Variants in NRXN3 observed in about 807,000 individuals in gnomAD.
NRXN3 encodes neurexin 3.
NRXN3 carries 32 observed loss-of-function variants against 137.6 expected under a neutral mutation model. The ratio of observed to expected loss-of-function variants is 0.23; its 90% confidence interval spans 0.18 to 0.31. The LOEUF is 0.31. NRXN3 is among the 10% of genes least tolerant of loss of function. The pLI is 1.00. For synonymous variants in NRXN3, 798 were observed against 784.5 expected (o/e 1.02, Z -0.29); for missense variants, 1,574 against 2,062.5 (o/e 0.76, Z 4.59).
intron 15 of NRXN3, among the ~76,000 whole-genome samples, chr14:79,032,372 TCTC>T (rs2099609622): frequency 6.6e-6 from 1 of 152,138 alleles, no homozygotes; most frequent in South Asian, 2.1e-4. Context: ...GGCAAGATCT[TCTC>T]CTTTACAAAG....
At chr14:78,818,311 T>C (rs910922374) in intron 10 of NRXN3, among the ~76,000 whole-genome samples, 1 of 152,110 alleles carries the variant, frequency 6.6e-6, no homozygotes, top group East Asian at 1.9e-4. Flanking sequence ...ATATAGTATA[T>C]GCTTGGTAAA....
Position 78,251,640 on chromosome 14 carries a change from T to C in NRXN3, c.709+7838T>C, listed in dbSNP as rs76677848. Reference sequence around the variant, plus strand: ...CCACCATAGGTGGACGAATCAGAGCTAGGGAGTACAGGAGGGTGCAGGGAA... The same window carrying C: ...CCACCATAGGTGGACGAATCAGAGCCAGGGAGTACAGGAGGGTGCAGGGAA... On this transcript the variant is annotated intron_variant, in intron 2 of 20. Transcript: ENST00000335750. 1.1e-3 allele frequency among the ~76,000 whole-genome samples: 175 copies of C among 152,234 alleles called. 3 individuals are homozygous for C. In the East Asian group the frequency reaches 0.028, roughly 24 times the overall value.
chr14:79,201,927 C>T (rs758458180), intron 15 of NRXN3, among the ~76,000 whole-genome samples: 6 of 152,170 alleles, frequency 3.9e-5, no homozygotes, highest in Non-Finnish European at 7.4e-5. Context: ...CGAGGAAGCA[C>T]GTGAGAATTG....
At chr14:78,901,977 C>T (rs567753860) in intron 10 of NRXN3, among the ~76,000 whole-genome samples, 4 of 152,088 alleles carry the variant, frequency 2.6e-5, no homozygotes, top group East Asian at 1.9e-4. Context: ...TGAAGGTTGT[C>T]GGGTATGCAA....
At chr14:78,434,008 G>C (rs1411244563) in intron 4 of NRXN3, among the ~76,000 whole-genome samples, 1 of 152,130 alleles carries the variant, frequency 6.6e-6, no homozygotes, top group Non-Finnish European at 1.5e-5. Context: ...AAACATCATA[G>C]CTTAGCCCAG....
chr14:79,697,655 T>G lies in NRXN3; in HGVS notation c.3732T>G (p.Thr1244=), dbSNP rs1302117484. ...EKGRQLTIFN[T]QAQIAIGGKD... ...GCCGGCAGTTAACCATCTTCAACAC[T>G]CAGGCGCAAATAGCCATTGGTGGAA... Residue 1244 remains threonine (T), a synonymous_variant, in exon 19 of 21, where the codon ACT becomes ACG. Transcript: ENST00000335750. The G allele has an allele frequency of 3.1e-6, 5 of 1,612,496 alleles. No homozygotes were observed. Among genetic ancestry groups the G allele is most frequent in the Non-Finnish European group, 4.2e-6 (5 of 1,178,998 alleles).
chr14:78,981,060 T>C lies in NRXN3; in HGVS notation c.3143-6962T>C, dbSNP rs552533107. Among the ~76,000 whole-genome samples the C allele has an allele frequency of 4.4e-4, 67 of 152,332 alleles. 1 individual carries two copies. In the South Asian group the frequency reaches 0.012, roughly 27 times the overall value. On this transcript the variant is annotated intron_variant, in intron 14 of 20. Transcript: ENST00000335750. ...TAAACAAATTTGTGCTGTCTTAGAATGTCTGGAATTTTATGTTGGTTTGGA... is the reference window on the plus strand; with the variant it reads ...TAAACAAATTTGTGCTGTCTTAGAACGTCTGGAATTTTATGTTGGTTTGGA...
chr14:78,518,812 C>G (rs954182469), intron 4 of NRXN3, among the ~76,000 whole-genome samples: 2 of 152,034 alleles, frequency 1.3e-5, no homozygotes, highest in Admixed American at 6.6e-5. Context: ...TTTCCTACAC[C>G]AAAGCATACC....
chr14:79,086,565 T>C (rs2048150147), intron 15 of NRXN3, among the ~76,000 whole-genome samples: 1 of 152,190 alleles, frequency 6.6e-6, no homozygotes, highest in Admixed American at 6.5e-5. Context: ...TATTACTCAG[T>C]TGACCACTTT....
intron 19 of NRXN3, among the ~76,000 whole-genome samples, chr14:79,746,687 A>G (rs2098980694): frequency 6.6e-6 from 1 of 152,178 alleles, no homozygotes; most frequent in Admixed American, 6.6e-5. Context: ...TGGAGGGAAC[A>G]AAAGACAGCT....
At chr14:79,280,475 A>C in intron 15 of NRXN3, 28 of 1,614,032 alleles carry the variant, frequency 1.7e-5, no homozygotes, top group Non-Finnish European at 2.3e-5. Flanking sequence ...TTTCCATGGC[A>C]GCAAGCATCA....
At chr14:79,651,198 G>C (rs780941536) in intron 16 of NRXN3, among the ~76,000 whole-genome samples, 23 of 152,136 alleles carry the variant, frequency 1.5e-4, no homozygotes, top group Non-Finnish European at 2.5e-4. Context: ...CACAGAGAAA[G>C]TTCCTCTCAG....
At chr14:79,257,427 G>GTGGTGA (rs2076804776) in intron 15 of NRXN3, among the ~76,000 whole-genome samples, 1 of 51,920 alleles carries the variant, frequency 1.9e-5, no homozygotes, top group Non-Finnish European at 3.9e-5. Flanking sequence ...GGTGGTGATG[G>GTGGTGA]TGGTGGTGGT....
At chr14:78,184,476 C>T (rs1284015431) in intron 1 of NRXN3, among the ~76,000 whole-genome samples, 3 of 152,146 alleles carry the variant, frequency 2.0e-5, no homozygotes, top group Admixed American at 6.5e-5. Context: ...CTCTCTTTGG[C>T]GTCTATGGCA....
intron 6 of NRXN3, among the ~76,000 whole-genome samples, chr14:78,659,941 G>A (rs1033716679): frequency 1.3e-5 from 2 of 152,000 alleles, no homozygotes; most frequent in Non-Finnish European, 2.9e-5. Flanking sequence ...CTTTATAGGT[G>A]GACTCCTAAT....
At chr14:79,460,596 GT>G (rs1342589151) in intron 15 of NRXN3, among the ~76,000 whole-genome samples, 1 of 152,102 alleles carries the variant, frequency 6.6e-6, no homozygotes, top group Non-Finnish European at 1.5e-5. Flanking sequence ...TTGAAGCCTT[GT>G]TTCTGGAATA....
At chr14:79,604,300 T>G (rs934869211) in intron 16 of NRXN3, among the ~76,000 whole-genome samples, 6 of 152,098 alleles carry the variant, frequency 3.9e-5, no homozygotes, top group Non-Finnish European at 7.4e-5. Flanking sequence ...AGTGGTGTGA[T>G]CTCAGCTCAC....
chr14:78,525,880 G>T (rs2096371151), intron 4 of NRXN3, among the ~76,000 whole-genome samples: 4 of 152,136 alleles, frequency 2.6e-5, no homozygotes, highest in Admixed American at 2.6e-4. Context: ...CTTCATGTAT[G>T]CAGTGAAGGA....
chr14:79,745,654 T>C (rs774294329), intron 19 of NRXN3, among the ~76,000 whole-genome samples: 2 of 152,098 alleles, frequency 1.3e-5, no homozygotes, highest in Non-Finnish European at 2.9e-5. Context: ...GCTTCTGTAA[T>C]TAAGTACCAC....
Sources: allele counts gnomAD v4.1 joint callset (sites outside exome capture counted in the v4.1 genomes callset), GRCh38; gene constraint gnomAD v4.1.1; transcripts MANE v1.5; gene names NCBI Gene and HGNC (gene_info 2026-07-23, HGNC 2026-07-21).